The following ERBB4 variants were observed in gnomAD, a reference collection of about 807,000 sequenced individuals.
ERBB4 encodes the protein receptor tyrosine-protein kinase erbB-4.
A neutral mutation model predicts 158.0 loss-of-function variants in ERBB4; 42 were observed. The observed-to-expected ratio is 0.27, with a 90% CI of 0.21 to 0.34. The LOEUF (loss-of-function observed/expected upper bound fraction) is 0.34. Ranked by LOEUF, ERBB4 falls within the 10% of genes least tolerant of loss-of-function variation. The probability of loss-of-function intolerance (pLI) is 1.00; values close to 1 mark genes in which losing one functional copy is unlikely to be tolerated. For synonymous variants in ERBB4, 583 were observed against 558.7 expected (o/e 1.04, Z -0.61); for missense variants, 1,333 against 1,624.1 (o/e 0.82, Z 3.08).
intron 3 of ERBB4, among the ~76,000 whole-genome samples, chr2:211,895,611 A>G (rs942303541): frequency 1.3e-5 from 2 of 152,258 alleles, no homozygotes; most frequent in African/African-American, 2.4e-5. Context: ...TCTTTAGACA[A>G]CAGCATACAG....
At chr2:212,372,848 C>T (rs956339943) in intron 1 of ERBB4, among the ~76,000 whole-genome samples, 10 of 152,196 alleles carry the variant, frequency 6.6e-5, no homozygotes, top group Middle Eastern at 3.2e-3. Flanking sequence ...TTACTTTCTT[C>T]TCCCATGCCA....
intron 1 of ERBB4, among the ~76,000 whole-genome samples, chr2:212,155,012 G>C (rs950686886): frequency 3.3e-5 from 5 of 152,132 alleles, no homozygotes; most frequent in Admixed American, 3.3e-4. Context: ...AAAGTTAATG[G>C]AAACTCAGCG....
intron 1 of ERBB4, among the ~76,000 whole-genome samples, chr2:212,187,421 T>TAATAAATAAATAAATA (rs71054181): frequency 0.01 from 1,509 of 146,758 alleles, 16 homozygotes; most frequent in Non-Finnish European, 0.015. Context: ...TAAAGTATAA[T>TAATAAATAAATAAATA]AATAAATAAA....
At chr2:211,594,454 T>TA (rs576635458) in intron 19 of ERBB4, among the ~76,000 whole-genome samples, 166 of 140,168 alleles carry the variant, frequency 1.2e-3, no homozygotes, top group Admixed American at 1.5e-3. Flanking sequence ...AAATAACAAA[T>TA]AAAAAAAAAA....
At chr2:212,200,219 C>A (rs2082551864) in intron 1 of ERBB4, among the ~76,000 whole-genome samples, 1 of 151,830 alleles carries the variant, frequency 6.6e-6, no homozygotes, top group South Asian at 2.1e-4. Context: ...ATGACCCTAC[C>A]TATATAATAT....
chr2:211,436,960 A>T (rs1248884184), intron 20 of ERBB4, among the ~76,000 whole-genome samples: 1 of 152,210 alleles, frequency 6.6e-6, no homozygotes, highest in Non-Finnish European at 1.5e-5. Context: ...TCAGTGCTGT[A>T]GAATGCTTTC....
chr2:212,393,670 C>T (rs114868048), intron 1 of ERBB4, among the ~76,000 whole-genome samples: 26 of 152,100 alleles, frequency 1.7e-4, no homozygotes, highest in Middle Eastern at 6.8e-3. Context: ...TCAGCTGGTA[C>T]AAGAAAGATC....
chr2:211,860,325 G>T (rs931758429), intron 3 of ERBB4, among the ~76,000 whole-genome samples: 3 of 152,132 alleles, frequency 2.0e-5, no homozygotes, highest in African/African-American at 7.2e-5. Flanking sequence ...CCTAGCTACA[G>T]AGTCTTCAAA....
rs1216893683 is a variant in ERBB4, at chr2:212,143,034, A to T, written c.83-18131T>A. Among the ~76,000 whole-genome samples, 3 of 152,240 alleles carry T rather than the reference A, an allele frequency of 2.0e-5. No homozygotes were observed. The South Asian group carries it at 6.2e-4, about 32-fold the overall frequency. ...TTTAACAAAAGCATGTGTCATATGT[A>T]TACAGAAGCTAACCAATATCACATG... On this transcript the variant is annotated intron_variant, in intron 1 of 27. Coordinates refer to ENST00000342788, the MANE Select transcript of ERBB4 (RefSeq NM_005235.3).
chr2:211,728,422 T>C (rs988526439), intron 5 of ERBB4, among the ~76,000 whole-genome samples: 13 of 151,684 alleles, frequency 8.6e-5, no homozygotes, highest in Admixed American at 7.9e-4. Flanking sequence ...CTTATATTGA[T>C]ATTTCTATCT....
chr2:212,192,106 T>A (rs1347064993), intron 1 of ERBB4, among the ~76,000 whole-genome samples: 1 of 134,658 alleles, frequency 7.4e-6, no homozygotes, highest in Non-Finnish European at 1.6e-5. Flanking sequence ...AAGTTATATA[T>A]TATATATTAT....
At chr2:211,412,402 A>G (rs2063281269) in intron 25 of ERBB4, among the ~76,000 whole-genome samples, 1 of 152,164 alleles carries the variant, frequency 6.6e-6, no homozygotes, top group Non-Finnish European at 1.5e-5. Flanking sequence ...AATGATTTCT[A>G]TTCCAAGCTA....
At chr2:212,170,389 A>G (rs1442613209) in intron 1 of ERBB4, among the ~76,000 whole-genome samples, 1 of 152,182 alleles carries the variant, frequency 6.6e-6, no homozygotes, top group Non-Finnish European at 1.5e-5. Context: ...AGTTTGGAAA[A>G]TTTGCAGCCT....
chr2:212,476,631 T>C (rs1356900492), intron 1 of ERBB4, among the ~76,000 whole-genome samples: 3 of 152,178 alleles, frequency 2.0e-5, no homozygotes, highest in African/African-American at 7.2e-5. Context: ...GAAGACGCTA[T>C]TGAGCAGATG....
intron 2 of ERBB4, among the ~76,000 whole-genome samples, chr2:212,040,778 TCTCCTTGGG>T (rs1438605937): frequency 6.6e-6 from 1 of 152,164 alleles, no homozygotes; most frequent in Non-Finnish European, 1.5e-5. Flanking sequence ...TGTGGTCTTT[TCTCCTTGGG>T]CTCTGCTTCA....
chr2:212,206,997 CA>C (rs530343240), intron 1 of ERBB4, among the ~76,000 whole-genome samples: 238 of 117,546 alleles, frequency 2.0e-3, no homozygotes, highest in South Asian at 0.014. Context: ...TGAGAAGTTT[CA>C]AAAAAAAAAA....
At chr2:211,421,368 G>A (rs2063511303) in intron 24 of ERBB4, among the ~76,000 whole-genome samples, 1 of 151,620 alleles carries the variant, frequency 6.6e-6, no homozygotes, top group Non-Finnish European at 1.5e-5. Flanking sequence ...TCTAGTCCAA[G>A]GCCCATTTGT....
At chr2:211,640,332 T>C (rs1337976885) in intron 16 of ERBB4, among the ~76,000 whole-genome samples, 5 of 152,166 alleles carry the variant, frequency 3.3e-5, no homozygotes, top group African/African-American at 1.2e-4. Flanking sequence ...CCTTGCAGCC[T>C]ACTGAAGATT....
chr2:212,535,193 A>G (rs4672648), intron 1 of ERBB4, among the ~76,000 whole-genome samples: 34,513 of 151,998 alleles, frequency 0.23, 4,642 homozygotes, highest in African/African-American at 0.38. Flanking sequence ...TTATTTAGAC[A>G]TATTGTGAAG....
Sources: allele counts gnomAD v4.1 joint callset (sites outside exome capture counted in the v4.1 genomes callset), GRCh38; gene constraint gnomAD v4.1.1; transcripts MANE v1.5; gene names NCBI Gene and HGNC (gene_info 2026-07-23, HGNC 2026-07-21).